The following DLG2 variants were observed in gnomAD, a reference collection of about 807,000 sequenced individuals.
DLG2 encodes the protein disks large homolog 2.
Under a neutral mutation model 132.5 loss-of-function variants are expected in DLG2, and 45 were observed. That is an observed-to-expected ratio of 0.34 (90% CI 0.27 to 0.44). The LOEUF (loss-of-function observed/expected upper bound fraction) is 0.44, where lower values mean the gene tolerates loss of function less well. DLG2 is among the 20% of genes least tolerant of loss of function. The probability of loss-of-function intolerance (pLI) is 1.00; values close to 1 mark genes in which losing one functional copy is unlikely to be tolerated. For synonymous variants in DLG2, 424 were observed against 419.6 expected, an observed-to-expected ratio of 1.01 and a Z score of -0.13; for missense variants, 1,045 against 1,196.9, an observed-to-expected ratio of 0.87 and a Z score of 1.87.
chr11:83,891,345 G>C (rs1242482226), intron 15 of DLG2, among the ~76,000 whole-genome samples: 2 of 152,190 alleles, frequency 1.3e-5, no homozygotes, highest in Non-Finnish European at 2.9e-5. Context: ...CGGGAGCAAG[G>C]AGATAGTTTT....
At chr11:85,522,752 C>A (rs2074414695) in intron 3 of DLG2, among the ~76,000 whole-genome samples, 1 of 152,102 alleles carries the variant, frequency 6.6e-6, no homozygotes, top group Non-Finnish European at 1.5e-5. Flanking sequence ...GGTCTGTAGC[C>A]CTTTGTTTTG....
At chr11:85,608,354 C>T (rs1303237875) in intron 2 of DLG2, among the ~76,000 whole-genome samples, 1 of 152,150 alleles carries the variant, frequency 6.6e-6, no homozygotes, top group Non-Finnish European at 1.5e-5. Flanking sequence ...TATTCTCTCT[C>T]TCTCTCTGAT....
intron 7 of DLG2, among the ~76,000 whole-genome samples, chr11:84,427,116 AG>A (rs1248568170): frequency 6.6e-6 from 1 of 152,126 alleles, no homozygotes; most frequent in Non-Finnish European, 1.5e-5. Context: ...TCGGAAGCCC[AG>A]GGGGATAGTA....
intron 7 of DLG2, among the ~76,000 whole-genome samples, chr11:84,464,658 A>T (rs897474451): frequency 1.6e-4 from 24 of 151,314 alleles, no homozygotes; most frequent in Admixed American, 1.1e-3. Flanking sequence ...TTCTTAGCAC[A>T]TAATAATTGC....
At chr11:85,187,355 A>T (rs982432895) in intron 4 of DLG2, among the ~76,000 whole-genome samples, 1 of 152,138 alleles carries the variant, frequency 6.6e-6, no homozygotes, top group Non-Finnish European at 1.5e-5. Context: ...GAACAAATAA[A>T]AATATGGCTG....
At chr11:84,315,831 A>G (rs2098348316) in intron 7 of DLG2, among the ~76,000 whole-genome samples, 1 of 152,172 alleles carries the variant, frequency 6.6e-6, no homozygotes, top group Non-Finnish European at 1.5e-5. Context: ...AACTATTATT[A>G]AAATTAAAAT....
chr11:84,153,356 C>T (rs547057246), intron 9 of DLG2, among the ~76,000 whole-genome samples: 10 of 152,068 alleles, frequency 6.6e-5, no homozygotes, highest in African/African-American at 2.4e-4. Context: ...CAGCGGTTTT[C>T]TGTATTTCTT....
intron 3 of DLG2, among the ~76,000 whole-genome samples, chr11:85,413,862 A>C (rs2089571505): frequency 6.6e-6 from 1 of 152,038 alleles, no homozygotes; most frequent in African/African-American, 2.4e-5. Context: ...ATTTTTGCTT[A>C]GTCTTGCTTT....
chr11:85,008,135 T>C (rs1472095576), intron 6 of DLG2, among the ~76,000 whole-genome samples: 2 of 152,194 alleles, frequency 1.3e-5, no homozygotes, highest in African/African-American at 2.4e-5. Flanking sequence ...GTTAGGTTTC[T>C]GCCATGAAAT....
At chr11:83,930,188 C>T (rs1173539738) in intron 15 of DLG2, 140 bp downstream of exon 15, 11 of 977,608 alleles carry the variant, frequency 1.1e-5, no homozygotes, top group Admixed American at 5.4e-5. Flanking sequence ...TCCCATTGCA[C>T]CAAGGGAACA....
chr11:83,822,450 G>A (rs2051092454), intron 17 of DLG2, among the ~76,000 whole-genome samples: 1 of 152,054 alleles, frequency 6.6e-6, no homozygotes, highest in Non-Finnish European at 1.5e-5. Flanking sequence ...CTTCTTATTT[G>A]GGGACAATTC....
intron 15 of DLG2, among the ~76,000 whole-genome samples, chr11:83,895,891 C>T (rs746066832): frequency 6.6e-6 from 1 of 152,156 alleles, no homozygotes; most frequent in African/African-American, 2.4e-5. Context: ...ACCATTGTAC[C>T]CCCAACCCCA....
At chr11:85,552,538 T>C (rs1208912113) in intron 3 of DLG2, among the ~76,000 whole-genome samples, 2 of 151,282 alleles carry the variant, frequency 1.3e-5, no homozygotes, top group African/African-American at 4.9e-5. Flanking sequence ...ATTCTTGATA[T>C]TATTTAAAAA....
rs1428341422 is a variant in DLG2 at position 85,175,476 on chromosome 11, G to C, written c.187-20825C>G. 2.0e-5 allele frequency among the ~76,000 whole-genome samples: 3 copies of C among 151,980 alleles called. No individual in the cohort carries two copies. The East Asian group carries it at 5.8e-4, about 29-fold the overall frequency. On this transcript the variant is annotated intron_variant, in intron 4 of 27. Coordinates refer to ENST00000376104, the MANE Select transcript of DLG2 (RefSeq NM_001142699.3). ...TAAAGGAACATACCTCAACATAAGA[G>C]CAATACATGACAAACCCCCAGCCAA...
intron 7 of DLG2, among the ~76,000 whole-genome samples, chr11:84,370,411 A>T (rs985746468): frequency 6.6e-6 from 1 of 152,198 alleles, no homozygotes; most frequent in African/African-American, 2.4e-5. Flanking sequence ...AGGAAGTGGC[A>T]TGGTAATAGT....
chr11:84,896,892 T>C (rs1016174056), intron 6 of DLG2, among the ~76,000 whole-genome samples: 3 of 151,906 alleles, frequency 2.0e-5, no homozygotes, highest in Non-Finnish European at 4.4e-5. Flanking sequence ...AAACATAGTC[T>C]ATTCAGGTAC....
At chr11:84,095,903 C>T (rs1055488455) in intron 10 of DLG2, among the ~76,000 whole-genome samples, 1 of 152,124 alleles carries the variant, frequency 6.6e-6, no homozygotes, top group African/African-American at 2.4e-5. Context: ...TATACACAGT[C>T]ATAGGCCATG....
intron 19 of DLG2, among the ~76,000 whole-genome samples, chr11:83,578,166 G>A (rs984994196): frequency 2.0e-5 from 3 of 149,624 alleles, no homozygotes; most frequent in African/African-American, 4.9e-5. Context: ...GTTCTAATGC[G>A]GTACATGAAG....
chr11:84,345,224 G>C (rs945925582), intron 7 of DLG2, among the ~76,000 whole-genome samples: 1 of 152,154 alleles, frequency 6.6e-6, no homozygotes, highest in Non-Finnish European at 1.5e-5. Flanking sequence ...CAAATTTTAT[G>C]CTGACCTGGG....
Sources: gnomAD v4.1 joint callset for allele counts (sites outside exome capture counted in the v4.1 genomes callset) on GRCh38, gnomAD v4.1.1 for gene constraint, MANE v1.5 for transcripts, NCBI Gene and HGNC (gene_info 2026-07-23, HGNC 2026-07-21) for gene names.